Variants in DPYD observed in about 807,000 individuals in gnomAD.
DPYD encodes dihydropyrimidine dehydrogenase.
A neutral mutation model predicts 116.2 loss-of-function variants in DPYD; 109 were observed. The observed-to-expected ratio is 0.94, with a 90% CI of 0.80 to 1.10. The LOEUF (loss-of-function observed/expected upper bound fraction) is 1.10, where lower values mean the gene tolerates loss of function less well. DPYD is among the 50% of genes least tolerant of loss of function. DPYD has a pLI of 0.00. For missense variants in DPYD, 1,302 were observed against 1,254.5 expected (o/e 1.04, Z -0.57); for synonymous variants, 440 against 432.0 (o/e 1.02, Z -0.23).
At chr1:97,375,460 A>G (rs1338576487) in intron 15 of DPYD, among the ~76,000 whole-genome samples, 15 of 152,138 alleles carry the variant, frequency 9.9e-5, no homozygotes, top group Non-Finnish European at 1.5e-5. Context: ...GTTAAAGTCC[A>G]TTTGATCATT....
Position 97,374,718 on chromosome 1 carries a change from GAAAAAAAAAA to G in DPYD, c.1975-1084_1975-1075del, listed in dbSNP as rs144889184. On this transcript the variant is annotated intron_variant, in intron 15 of 22. Coordinates refer to ENST00000370192, the MANE Select transcript of DPYD (RefSeq NM_000110.4). ...TGGGAAAGAGCAAGACTCCGTCTCA[GAAAAAAAAAA>G]AAAAAAAAAAAAAAAAAAAAAGTTA... Among the ~76,000 whole-genome samples, 69 of 52,604 alleles carry G rather than the reference GAAAAAAAAAA, an allele frequency of 1.3e-3. 2 individuals carry two copies. Among genetic ancestry groups the G allele is most frequent in the African/African-American group, 6.9e-3 (67 of 9,742 alleles). The allele number at this position is 52,604 out of a possible 152,430, so 34.5% of individuals were successfully genotyped here. A position where few individuals can be genotyped will look rare whatever the true frequency, so the allele number is the denominator to read the frequency against.
chr1:97,650,729 A>T (rs565041459), intron 8 of DPYD, among the ~76,000 whole-genome samples: 1 of 152,256 alleles, frequency 6.6e-6, no homozygotes, highest in African/African-American at 2.4e-5. Flanking sequence ...AATATAGATT[A>T]TTCCAAGTTT....
At chr1:97,469,425 A>AAAAAAAAAAAAAAAC (rs1352277072) in intron 13 of DPYD, among the ~76,000 whole-genome samples, 1 of 128,962 alleles carries the variant, frequency 7.8e-6, no homozygotes, top group African/African-American at 2.8e-5. Context: ...AAAAAAAAAA[A>AAAAAAAAAAAAAAAC]AAAGACAAAT....
At chr1:97,092,845 T>C (rs1489220439) in intron 21 of DPYD, among the ~76,000 whole-genome samples, 1 of 152,092 alleles carries the variant, frequency 6.6e-6, no homozygotes, top group Non-Finnish European at 1.5e-5. Flanking sequence ...AGTCTTCTTA[T>C]TATCAGCTCT....
At chr1:97,496,286 G>A (rs942691446) in intron 13 of DPYD, among the ~76,000 whole-genome samples, 16 of 151,936 alleles carry the variant, frequency 1.1e-4, no homozygotes, top group Non-Finnish European at 2.9e-5. Context: ...TAAGCTCCAT[G>A]AATTTAGGGC....
chr1:97,261,608 T>C (rs1354176795), intron 18 of DPYD, among the ~76,000 whole-genome samples: 1 of 148,200 alleles, frequency 6.7e-6, no homozygotes, highest in Non-Finnish European at 1.5e-5. Context: ...TTAAAGAAAA[T>C]AGTTTGAGAT....
chr1:97,472,036 T>C (rs556661512), intron 13 of DPYD, among the ~76,000 whole-genome samples: 2 of 152,026 alleles, frequency 1.3e-5, no homozygotes, highest in African/African-American at 4.8e-5. Flanking sequence ...AACAAGCATA[T>C]TTAGCTTGGA....
intron 20 of DPYD, 147 bp from the exon 21 acceptor site, chr1:97,098,779 T>G: frequency 1.1e-6 from 1 of 904,658 alleles, no homozygotes; most frequent in Middle Eastern, 3.3e-4. Context: ...ACTCATTGTT[T>G]TGGACCACTA....
intron 3 of DPYD, among the ~76,000 whole-genome samples, chr1:97,813,954 A>ACC (rs1000244686): frequency 4.6e-5 from 6 of 129,842 alleles, no homozygotes; most frequent in East Asian, 4.9e-4. Context: ...ACACACACAC[A>ACC]CCCCTAAAAT....
intron 14 of DPYD, among the ~76,000 whole-genome samples, chr1:97,440,016 C>T (rs1570736490): frequency 6.6e-6 from 1 of 152,006 alleles, no homozygotes; most frequent in East Asian, 1.9e-4. Context: ...TGGCTCACGC[C>T]TGTAATCCCA....
At chr1:97,319,992 T>G (rs1668137566) in intron 16 of DPYD, among the ~76,000 whole-genome samples, 1 of 139,358 alleles carries the variant, frequency 7.2e-6, no homozygotes, top group Admixed American at 7.1e-5. Context: ...CACATGATTA[T>G]CTCAATAGAT....
At chr1:97,719,205 A>G (rs1381041155) in intron 5 of DPYD, among the ~76,000 whole-genome samples, 1 of 148,266 alleles carries the variant, frequency 6.7e-6, no homozygotes, top group Non-Finnish European at 1.5e-5. Flanking sequence ...TGGCCTCCTG[A>G]TTCTACATAA....
At chr1:97,366,592 C>T (rs1472848712) in intron 16 of DPYD, among the ~76,000 whole-genome samples, 1 of 152,176 alleles carries the variant, frequency 6.6e-6, no homozygotes, top group Non-Finnish European at 1.5e-5. Flanking sequence ...TTCCAACTCT[C>T]TAGCCCAAAC....
intron 16 of DPYD, among the ~76,000 whole-genome samples, chr1:97,318,141 G>A (rs1667980375): frequency 6.8e-6 from 1 of 147,634 alleles, no homozygotes; most frequent in East Asian, 2.0e-4. Context: ...AAAATGTAAA[G>A]ACCATTGAGA....
intron 5 of DPYD, among the ~76,000 whole-genome samples, chr1:97,702,003 A>G (rs1661625624): frequency 6.6e-6 from 1 of 151,744 alleles, no homozygotes; most frequent in Non-Finnish European, 1.5e-5. Context: ...TATAATTTAC[A>G]AATTATTAAT....
rs1035954944 is a variant in DPYD, at chr1:97,138,256, C to T, written c.2623-39624G>A. On this transcript the variant is annotated intron_variant, in intron 20 of 22. Transcript: ENST00000370192. ...AGATGGTGGGGTCAGTAATAAAGAA[C>T]TTGTTTGTTGTTGCTGATTGGAGGC... Among the ~76,000 whole-genome samples, 9 of 152,128 alleles carry T rather than the reference C, an allele frequency of 5.9e-5. No individual in the cohort carries two copies. In the South Asian group the frequency reaches 6.2e-4, roughly 11 times the overall value.
chr1:97,255,495 C>T (rs1388126940), intron 18 of DPYD, among the ~76,000 whole-genome samples: 1 of 152,006 alleles, frequency 6.6e-6, no homozygotes, highest in Non-Finnish European at 1.5e-5. Context: ...AGGAGTTCCC[C>T]TGCACAAGTT....
chr1:97,086,304 C>T lies in DPYD; in HGVS notation c.2767-3834G>A, dbSNP rs141816158. Among the ~76,000 whole-genome samples the T allele has an allele frequency of 2.6e-5, 4 of 151,798 alleles. No homozygotes were observed. The East Asian group carries it at 7.8e-4, about 30-fold the overall frequency. Reference sequence around the variant, plus strand: ...TTGACCTTGTGTCCACCCGCCTTGGCCTCCCAAAGTGCTGGGATTACAGGC... The same window carrying T: ...TTGACCTTGTGTCCACCCGCCTTGGTCTCCCAAAGTGCTGGGATTACAGGC... On this transcript the variant is annotated intron_variant, in intron 21 of 22. Transcript: ENST00000370192.
chr1:97,420,684 A>T (rs982710418), intron 14 of DPYD, among the ~76,000 whole-genome samples: 1 of 152,036 alleles, frequency 6.6e-6, no homozygotes, highest in Non-Finnish European at 1.5e-5. Context: ...TCCCATCTGT[A>T]TTCAGCACTC....
Sources: gnomAD v4.1 joint callset for allele counts (sites outside exome capture counted in the v4.1 genomes callset) on GRCh38, gnomAD v4.1.1 for gene constraint, MANE v1.5 for transcripts, NCBI Gene and HGNC (gene_info 2026-07-23, HGNC 2026-07-21) for gene names.